The following JAG1 variants were observed in gnomAD, a reference collection of about 807,000 sequenced individuals.
JAG1 encodes the protein protein jagged-1.
Under a neutral mutation model 148.7 loss-of-function variants are expected in JAG1, and 23 were observed. That is an observed-to-expected ratio of 0.15 (90% CI 0.11 to 0.22). The LOEUF is 0.22. JAG1 is among the 10% of genes least tolerant of loss of function. JAG1 has a pLI of 1.00. For missense variants in JAG1, 1,054 were observed against 1,611.2 expected (o/e 0.65, Z 5.92); for synonymous variants, 572 against 598.3 (o/e 0.96, Z 0.64).
chr20:10,671,256 T>C (rs968895963), intron 2 of JAG1, among the ~76,000 whole-genome samples: 10 of 152,180 alleles, frequency 6.6e-5, no homozygotes, highest in African/African-American at 1.7e-4. Flanking sequence ...TTCTCCCTAA[T>C]AGGGGATTAA....
rs876660980 is a variant in JAG1, at chr20:10,656,450, G to C, written c.703C>G (p.Arg235Gly). The change falls in exon 5 of 26, where the codon CGA becomes GGA. Residue 235 changes from arginine (R) to glycine (G), a missense_variant. This residue lies in a region of JAG1 where 104 missense variants were observed against 235.2 expected (regional missense o/e 0.44). Transcript: ENST00000254958. Reference protein sequence around the residue: ...MGPECNRAICRQGCSPKHGSC... With the variant: ...MGPECNRAICGQGCSPKHGSC... ...CCATGCTTAGGACTGCAGCCTTGTC[G>C]GCAAATAGCTGTAAAAAACAGAGAA... 6.2e-7 allele frequency: 1 copy of C among 1,613,772 alleles called. No homozygotes were observed. The highest frequency in any genetic ancestry group is 1.7e-5 in the Admixed American group (1 of 60,006).
At position 10,638,699 on chromosome 20, in the gene JAG1, CTA is replaced by C. The variant is rs2122591397; in HGVS notation, c.*797_*798del. The C allele has an allele frequency of 6.6e-6, 1 of 152,670 alleles. No individual in the cohort carries two copies. Among genetic ancestry groups the C allele is most frequent in the Admixed American group, 6.5e-5 (1 of 15,282 alleles). The allele number at this position is 152,670 out of a possible 1,614,324, so 9.5% of individuals were successfully genotyped here. On this transcript the variant is annotated 3_prime_UTR_variant, in exon 26 of 26. Coordinates refer to ENST00000254958, the MANE Select transcript of JAG1 (RefSeq NM_000214.3). ...GCCCATCCTATTGTTTTAAAATAAA[CTA>C]TTTTCAAACACCTTAATTTTGGCTT...
chr20:10,663,058 T>A (rs1290655944), intron 3 of JAG1, among the ~76,000 whole-genome samples: 4 of 150,772 alleles, frequency 2.7e-5, no homozygotes, highest in African/African-American at 9.8e-5. Context: ...CAAGGAAAGA[T>A]GAAAATATAT....
intron 3 of JAG1, among the ~76,000 whole-genome samples, chr20:10,660,714 T>C (rs183688054): frequency 2.2e-4 from 33 of 152,320 alleles, no homozygotes; most frequent in African/African-American, 7.7e-4. Flanking sequence ...GGGTCGAGCA[T>C]GTCTGGGTTC....
At chr20:10,657,138 G>A (rs1348428699) in intron 4 of JAG1, among the ~76,000 whole-genome samples, 2 of 152,192 alleles carry the variant, frequency 1.3e-5, no homozygotes, top group African/African-American at 4.8e-5. Context: ...GATTGAGGCA[G>A]AAGGATAGCT....
chr20:10,665,406 C>T (rs921548994), intron 2 of JAG1, among the ~76,000 whole-genome samples: 10 of 152,180 alleles, frequency 6.6e-5, no homozygotes, highest in Admixed American at 3.3e-4. Flanking sequence ...CAAGCAAAAC[C>T]GGGCAAGCCA....
Position 10,647,862 on chromosome 20 carries a change from A to C in JAG1, c.1720+98T>G, listed in dbSNP as rs1031365160. Reference sequence around the variant, plus strand: ...TTTCACTATAGAGGTCCTCCTCACCAATACATTACTTCTCAAGTGTAACAA... The same window carrying C: ...TTTCACTATAGAGGTCCTCCTCACCCATACATTACTTCTCAAGTGTAACAA... On this transcript the variant is annotated intron_variant, in intron 13 of 25. Transcript: ENST00000254958. 3 of 1,307,788 alleles carry C rather than the reference A, an allele frequency of 2.3e-6. No individual in the cohort carries two copies. In the African/African-American group the frequency reaches 4.4e-5, roughly 19 times the overall value. The allele number at this position is 1,307,788 out of a possible 1,614,324, so 81.0% of individuals were successfully genotyped here. A position where few individuals can be genotyped will look rare whatever the true frequency, so the allele number is the denominator to read the frequency against.
At chr20:10,664,964 A>G (rs1002800496) in intron 2 of JAG1, among the ~76,000 whole-genome samples, 4 of 152,162 alleles carry the variant, frequency 2.6e-5, no homozygotes, top group African/African-American at 9.7e-5. Flanking sequence ...GTCTCACAAA[A>G]CACCAGCGTT....
chr20:10,648,804 G>A lies in JAG1; in HGVS notation c.1396-82C>T, dbSNP rs45498692. 2,150 of 1,368,686 alleles carry A rather than the reference G, an allele frequency of 1.6e-3. 1 individual carries two copies. Among genetic ancestry groups the A allele is most frequent in the Non-Finnish European group, 2.1e-3 (1,992 of 965,872 alleles). The allele number at this position is 1,368,686 out of a possible 1,614,324, so 84.8% of individuals were successfully genotyped here. On this transcript the variant is annotated intron_variant, in intron 11 of 25. Transcript: ENST00000254958. ...ACACAGGGCTTCAGCGGTTTAGCAT[G>A]ACTGTTGCGGTTTAGCTGGTTCACT...
chr20:10,651,443 C>T (rs2067345591), intron 8 of JAG1, 138 bp downstream of exon 8: 1 of 633,990 alleles, frequency 1.6e-6, no homozygotes, highest in Middle Eastern at 2.7e-4. Context: ...AGCCACCAGA[C>T]TGCTTACCAG....
rs568937350 is a variant in JAG1, at chr20:10,638,346, G to T, written c.*1152C>A. 1 of 152,588 alleles carries T rather than the reference G, an allele frequency of 6.6e-6. No homozygotes were observed. Among genetic ancestry groups the T allele is most frequent in the East Asian group, 1.9e-4 (1 of 5,178 alleles). The allele number at this position is 152,588 out of a possible 1,614,324, so 9.5% of individuals were successfully genotyped here. ...CAGTATTATGTACGAATGGTGAAAA[G>T]AAATCAGAATTTACAAAGTAAGATT... is the stretch of plus-strand genomic sequence containing the variant. On this transcript the variant is annotated 3_prime_UTR_variant, in exon 26 of 26. Transcript: ENST00000254958.
Position 10,659,559 on chromosome 20 carries a change from C to CTTTTTTTTTTTTTTTTTTTTTTT in JAG1, c.440-860_440-838dup, listed in dbSNP as rs35826283. On this transcript the variant is annotated intron_variant, in intron 3 of 25. Coordinates refer to ENST00000254958, the MANE Select transcript of JAG1 (RefSeq NM_000214.3). Reference sequence around the variant, plus strand: ...GGAAGCCAAGGAGACGATTAAGTTACTTTTTTTTTTTTTTTTTTTTTTTTT... The same window carrying CTTTTTTTTTTTTTTTTTTTTTTT: ...GGAAGCCAAGGAGACGATTAAGTTACTTTTTTTTTTTTTTTTTTTTTTTTTTTTTTTTTTTTTTTTTTTTTTTT... Among the ~76,000 whole-genome samples, 32 of 105,138 alleles carry CTTTTTTTTTTTTTTTTTTTTTTT rather than the reference C, an allele frequency of 3.0e-4. 14 individuals are homozygous for CTTTTTTTTTTTTTTTTTTTTTTT. Among genetic ancestry groups the CTTTTTTTTTTTTTTTTTTTTTTT allele is most frequent in the African/African-American group, 2.9e-4 (8 of 27,194 alleles). 69.0% of individuals were successfully genotyped at this position (105,138 alleles called of 152,430 possible). A position where few individuals can be genotyped will look rare whatever the true frequency, so the allele number is the denominator to read the frequency against.
chr20:10,647,859 A>G, intron 13 of JAG1, 101 bp downstream of exon 13: 1 of 1,280,370 alleles, frequency 7.8e-7, no homozygotes. Flanking sequence ...GGTCCTCCTC[A>G]CCAATACATT....
intron 2 of JAG1, 30 bp downstream of exon 2, chr20:10,672,671 G>T (rs756316555): frequency 1.2e-6 from 2 of 1,607,952 alleles, no homozygotes; most frequent in East Asian, 2.2e-5. Context: ...GTGAGGCTCC[G>T]CCCGGCCTCC....
intron 8 of JAG1, chr20:10,650,578 T>TA: frequency 1.8e-6 from 1 of 546,148 alleles, no homozygotes; most frequent in Non-Finnish European, 3.3e-6. Flanking sequence ...ATCCCCAACC[T>TA]AAGCAGTGGG....
chr20:10,646,465 T>G (rs973277424), intron 14 of JAG1: 6 of 364,184 alleles, frequency 1.6e-5, no homozygotes, highest in Non-Finnish European at 3.2e-5. Flanking sequence ...GATGTAAGGA[T>G]AAGTCTCAAC....
intron 2 of JAG1, among the ~76,000 whole-genome samples, chr20:10,672,166 C>G: frequency 6.6e-6 from 1 of 152,162 alleles, no homozygotes; most frequent in East Asian, 1.9e-4. Context: ...CTGGAGAGCG[C>G]CCCCGCACAC....
chr20:10,644,894 C>T lies in JAG1; in HGVS notation c.2313G>A (p.Lys771=), dbSNP rs6040051. 6.2e-7 allele frequency: 1 copy of T among 1,614,014 alleles called. No homozygotes were observed. Among genetic ancestry groups the T allele is most frequent in the Non-Finnish European group, 8.5e-7 (1 of 1,179,938 alleles). Residue 771 remains lysine, a synonymous_variant, in exon 18 of 26, where the codon AAG becomes AAA. Coordinates refer to ENST00000254958, the MANE Select transcript of JAG1 (RefSeq NM_000214.3). ...CACAGATGGGCCCCTCCCAGCCTTCCTTGCAGACGCACGTAAAGGACTCGC... is the reference window on the plus strand; with the variant it reads ...CACAGATGGGCCCCTCCCAGCCTTCTTTGCAGACGCACGTAAAGGACTCGC... ...VNGESFTCVC[K]EGWEGPICAQ...
chr20:10,643,947 T>TAG, intron 19 of JAG1, 84 bp from the exon 20 acceptor site: 1 of 1,013,460 alleles, frequency 9.9e-7, no homozygotes, highest in Non-Finnish European at 1.5e-6. Flanking sequence ...CCACACCAGT[T>TAG]ACAGTCAGTG....
Sources: allele counts gnomAD v4.1 joint callset (sites outside exome capture counted in the v4.1 genomes callset), GRCh38; gene constraint gnomAD v4.1.1; regional missense constraint gnomAD v4.1.1; transcripts MANE v1.5; gene names NCBI Gene and HGNC (gene_info 2026-07-23, HGNC 2026-07-21).